Variants in FAR1 observed in about 807,000 individuals in gnomAD.
FAR1 encodes male sterility domain-containing protein 2.
In FAR1, 22 loss-of-function variants were observed where a neutral mutation model predicts 61.1. The ratio of observed to expected loss-of-function variants is 0.36; its 90% confidence interval spans 0.26 to 0.51. The LOEUF (loss-of-function observed/expected upper bound fraction) is 0.51, where lower values mean the gene tolerates loss of function less well. FAR1 is among the 20% of genes least tolerant of loss of function. The pLI is 0.95. For synonymous variants in FAR1, 206 were observed against 209.7 expected, an observed-to-expected ratio of 0.98 and a Z score of 0.15; for missense variants, 359 against 626.9, an observed-to-expected ratio of 0.57 and a Z score of 4.56.
intron 1 of FAR1, among the ~76,000 whole-genome samples, chr11:13,692,710 CTATT>C (rs1444233489): frequency 2.0e-5 from 3 of 152,020 alleles, no homozygotes; most frequent in Admixed American, 1.3e-4. Flanking sequence ...TTTTAATAGT[CTATT>C]TATTTACTGG....
At chr11:13,693,665 G>GATCCA (rs1411163730) in intron 1 of FAR1, among the ~76,000 whole-genome samples, 1 of 152,128 alleles carries the variant, frequency 6.6e-6, no homozygotes, top group African/African-American at 2.4e-5. Flanking sequence ...TAGGAGATTG[G>GATCCA]TAAAAAGAGC....
Position 13,707,905 on chromosome 11 carries a change from C to A in FAR1, c.371C>A (p.Ala124Asp). The change falls in exon 4 of 12, where the codon GCT becomes GAT. Residue 124 changes from alanine (A) to aspartate (D), a missense_variant. Physicochemically the swap from Ala to Asp is moderately radical, Grantham distance 126. Transcript: ENST00000354817. ...TVRFNENLRDAVQLNVIATRQ... is the reference protein window; with the variant it reads ...TVRFNENLRDDVQLNVIATRQ... The stretch of plus-strand genomic sequence containing the variant: ...CACTTTTTCTTTTTAAACAGAGATG[C>A]TGTTCAGTTAAATGTGATTGCAACG... 2 of 1,548,512 alleles carry A rather than the reference C, an allele frequency of 1.3e-6. No homozygotes were observed. Among genetic ancestry groups the A allele is most frequent in the South Asian group, 1.3e-5 (1 of 78,852 alleles).
At chr11:13,679,381 CT>C (rs1010312931) in intron 1 of FAR1, among the ~76,000 whole-genome samples, 2 of 152,054 alleles carry the variant, frequency 1.3e-5, no homozygotes, top group Admixed American at 1.3e-4. Flanking sequence ...TTTTCTTCCC[CT>C]AGAAGGAAAT....
chr11:13,697,578 G>A (rs1848322245), intron 2 of FAR1, among the ~76,000 whole-genome samples: 1 of 152,274 alleles, frequency 6.6e-6, no homozygotes, highest in East Asian at 1.9e-4. Flanking sequence ...GTACTAGTGG[G>A]TTGAAAGCAC....
At chr11:13,701,794 C>T (rs1335247579) in intron 3 of FAR1, among the ~76,000 whole-genome samples, 1 of 151,954 alleles carries the variant, frequency 6.6e-6, no homozygotes, top group East Asian at 1.9e-4. Context: ...CCATAGTCAC[C>T]TTACCTACTG....
chr11:13,708,105 A>G (rs756671215), intron 4 of FAR1, 26 bp downstream of exon 4: 30 of 1,503,360 alleles, frequency 2.0e-5, no homozygotes, highest in Non-Finnish European at 2.7e-5. Context: ...ATTTATATAC[A>G]TTTACTTTGA....
chr11:13,679,288 G>A (rs1356182670), intron 1 of FAR1, among the ~76,000 whole-genome samples: 2 of 151,818 alleles, frequency 1.3e-5, no homozygotes, highest in African/African-American at 4.8e-5. Flanking sequence ...TTATTATTAA[G>A]GTAAAAAGTG....
chr11:13,687,847 G>A (rs977007930), intron 1 of FAR1, among the ~76,000 whole-genome samples: 8 of 149,362 alleles, frequency 5.4e-5, no homozygotes, highest in Non-Finnish European at 8.9e-5. Flanking sequence ...GCAAACTATC[G>A]CAAGGACAAA....
At chr11:13,715,812 A>G (rs764077699) in intron 9 of FAR1, 15 of 151,424 alleles carry the variant, frequency 9.9e-5, no homozygotes, top group Non-Finnish European at 1.8e-4. Context: ...GGAGTCGTTG[A>G]TTGGAGAGTT....
At position 13,707,934 on chromosome 11, in the gene FAR1, C is replaced by A; in HGVS notation, c.400C>A (p.Gln134Lys). The change falls in exon 4 of 12, where the codon CAG becomes AAG. Residue 134 changes from glutamine (Q) to lysine (K), a missense_variant. By Grantham distance (53) the Gln-to-Lys change is moderately conservative (BLOSUM62 1). This residue lies in a region of FAR1 where 344 missense variants were observed against 570.3 expected (regional missense o/e 0.60). Coordinates refer to ENST00000354817, the MANE Select transcript of FAR1 (RefSeq NM_032228.6). ...AVQLNVIATR[Q>K]LILLAQQMKN... ...TCAGTTAAATGTGATTGCAACGCGA[C>A]AGCTTATTCTCCTTGCACAACAAAT... 6.3e-7 allele frequency: 1 copy of A among 1,590,270 alleles called. No homozygotes were observed. Among genetic ancestry groups the A allele is most frequent in the African/African-American group, 1.4e-5 (1 of 73,736 alleles).
At chr11:13,689,872 T>C (rs997778753) in intron 1 of FAR1, among the ~76,000 whole-genome samples, 1 of 134,668 alleles carries the variant, frequency 7.4e-6, no homozygotes, top group Non-Finnish European at 1.6e-5. Flanking sequence ...GTCATTTCGA[T>C]CTTTTTTTTT....
At chr11:13,713,116 T>A (rs1848517673) in intron 8 of FAR1, 83 bp downstream of exon 8, 2 of 1,238,918 alleles carry the variant, frequency 1.6e-6, no homozygotes, top group Non-Finnish European at 2.4e-6. Flanking sequence ...AGAATACCTA[T>A]GAGGCATTAA....
At chr11:13,680,680 A>G (rs1214381094) in intron 1 of FAR1, among the ~76,000 whole-genome samples, 1 of 152,038 alleles carries the variant, frequency 6.6e-6, no homozygotes, top group Non-Finnish European at 1.5e-5. Flanking sequence ...GTGGCTGAGA[A>G]CTGAGCCAGT....
At chr11:13,688,189 T>C (rs1459203425) in intron 1 of FAR1, among the ~76,000 whole-genome samples, 3 of 150,896 alleles carry the variant, frequency 2.0e-5, no homozygotes, top group Admixed American at 6.6e-5. Context: ...AAAAAAAATA[T>C]ATATTTAGTG....
chr11:13,687,733 T>C (rs1376079948), intron 1 of FAR1, among the ~76,000 whole-genome samples: 1 of 152,124 alleles, frequency 6.6e-6, no homozygotes, highest in African/African-American at 2.4e-5. Flanking sequence ...TTTAAAAATA[T>C]TTAGTGCTTG....
Position 13,729,042 on chromosome 11 carries a change from G to A in FAR1, c.*268G>A, listed in dbSNP as rs1848694282. The A allele has an allele frequency of 1.1e-5, 3 of 283,464 alleles. No homozygotes were observed. In the South Asian group the frequency reaches 1.8e-4, roughly 17 times the overall value. 17.6% of individuals were successfully genotyped at this position (283,464 alleles called of 1,614,324 possible). A position where few individuals can be genotyped will look rare whatever the true frequency, so the allele number is the denominator to read the frequency against. ...GCCCTAGAAGAAAGGGGTGTGCTGA[G>A]GACAAGAGTGGGGAAATAGGAACAC... On this transcript the variant is annotated 3_prime_UTR_variant, in exon 12 of 12. Transcript: ENST00000354817.
chr11:13,714,678 A>AAGGTAATGGTGACTAGC lies in FAR1; in HGVS notation c.1126_1127+15dup. 6.2e-7 allele frequency: 1 copy of AAGGTAATGGTGACTAGC among 1,607,818 alleles called. No homozygotes were observed. Among genetic ancestry groups the AAGGTAATGGTGACTAGC allele is most frequent in the Non-Finnish European group, 8.5e-7 (1 of 1,177,436 alleles). On this transcript the variant is annotated stop_gained and frameshift_variant and splice_region_variant, in exon 9 of 12. Transcript: ENST00000354817. LOFTEE classifies it high-confidence loss of function. ...ACCTCAGGATGACTGGAAGAAGCCC[A>AAGGTAATGGTGACTAGC]AGGTAATGGTGACTAGCTCTGTCTT...
At chr11:13,671,741 G>T (rs1179863685) in intron 1 of FAR1, among the ~76,000 whole-genome samples, 2 of 152,178 alleles carry the variant, frequency 1.3e-5, no homozygotes, top group African/African-American at 2.4e-5. Context: ...CTTGCCCAAG[G>T]TCACACAGCT....
At chr11:13,727,260 T>A (rs1227886516) in intron 10 of FAR1, among the ~76,000 whole-genome samples, 1 of 151,980 alleles carries the variant, frequency 6.6e-6, no homozygotes, top group South Asian at 2.1e-4. Flanking sequence ...TCTTTTTTTT[T>A]CTTTGTTTAG....
Sources: gnomAD v4.1 joint callset for allele counts (sites outside exome capture counted in the v4.1 genomes callset) on GRCh38, gnomAD v4.1.1 for gene constraint, gnomAD v4.1.1 regional missense constraint, MANE v1.5 for transcripts, NCBI Gene and HGNC (gene_info 2026-07-23, HGNC 2026-07-21) for gene names.